GPN3: variants seen among roughly 807,000 people sequenced by gnomAD.
The protein encoded by GPN3 is GPN-loop GTPase 3.
In GPN3, 31 loss-of-function variants were observed where a neutral mutation model predicts 38.7. The ratio of observed to expected loss-of-function variants is 0.80; its 90% confidence interval spans 0.60 to 1.08. GPN3 has a LOEUF of 1.08. GPN3 is among the 50% of genes least tolerant of loss of function. The pLI is 0.00. For synonymous variants in GPN3, 116 were observed against 120.2 expected (o/e 0.96, Z 0.23); for missense variants, 301 against 354.4 (o/e 0.85, Z 1.21).
chr12:110,454,398 T>C (rs1358769238), intron 6 of GPN3, among the ~76,000 whole-genome samples: 1 of 151,634 alleles, frequency 6.6e-6, no homozygotes, highest in Non-Finnish European at 1.5e-5. Flanking sequence ...CTTTTTTTTT[T>C]TTTTTGGGGA....
chr12:110,459,463 A>G (rs1284229341), intron 3 of GPN3, among the ~76,000 whole-genome samples: 2 of 152,098 alleles, frequency 1.3e-5, no homozygotes, highest in Non-Finnish European at 2.9e-5. Flanking sequence ...GATGGTCTCG[A>G]TCTCCTGACC....
chr12:110,454,973 C>T lies in GPN3; in HGVS notation c.663+613G>A, dbSNP rs1250730455. Among the ~76,000 whole-genome samples the T allele has an allele frequency of 3.9e-5, 6 of 151,934 alleles. No homozygotes were observed. The East Asian group carries it at 5.8e-4, about 15-fold the overall frequency. On this transcript the variant is annotated intron_variant, in intron 6 of 7. Coordinates refer to ENST00000228827, the MANE Select transcript of GPN3 (RefSeq NM_016301.4). ...GAATAGCTGGGATTATAGGCATGCA[C>T]CACCACGCCTGGCTAATTTTTGTAT...
intron 2 of GPN3, among the ~76,000 whole-genome samples, chr12:110,461,801 G>A (rs1357494665): frequency 1.3e-5 from 2 of 152,100 alleles, no homozygotes; most frequent in East Asian, 3.8e-4. Flanking sequence ...CCCTCCCTCA[G>A]CAATCAATAA....
chr12:110,456,641 A>G (rs188447253), intron 4 of GPN3, among the ~76,000 whole-genome samples: 1 of 151,494 alleles, frequency 6.6e-6, no homozygotes, highest in Admixed American at 6.6e-5. Flanking sequence ...AAAATAGACT[A>G]TTTTATAAAA....
upstream of GPN3, chr12:110,468,536 T>G: frequency 6.5e-7 from 1 of 1,537,318 alleles, no homozygotes; most frequent in Non-Finnish European, 8.7e-7. Flanking sequence ...GTCCGTGGTT[T>G]GCGTGCAGAC....
rs1053723658 is a variant in GPN3 at position 110,452,588 on chromosome 12, A to T, written c.*446T>A. 6.2e-6 allele frequency: 1 copy of T among 160,794 alleles called. No homozygotes were observed. The highest frequency in any genetic ancestry group is 2.4e-5 in the African/African-American group (1 of 41,458). The allele number at this position is 160,794 out of a possible 1,614,324, so 10.0% of individuals were successfully genotyped here. On this transcript the variant is annotated 3_prime_UTR_variant, in exon 8 of 8. Coordinates refer to ENST00000228827, the MANE Select transcript of GPN3 (RefSeq NM_016301.4). The stretch of plus-strand genomic sequence containing the variant: ...TTATTTTTACTTTTTAAGTTATATA[A>T]ATAATATACATTTTCAATATAGGAA...
At chr12:110,455,301 A>G (rs2062542081) in intron 6 of GPN3, among the ~76,000 whole-genome samples, 1 of 147,378 alleles carries the variant, frequency 6.8e-6, no homozygotes, top group Admixed American at 6.8e-5. Flanking sequence ...TTTTTTTTGT[A>G]TTTTTAGTAG....
chr12:110,456,705 T>G (rs1260107601), intron 4 of GPN3, among the ~76,000 whole-genome samples: 2 of 151,748 alleles, frequency 1.3e-5, no homozygotes, highest in Middle Eastern at 3.4e-3. Context: ...TTTTTTTTTT[T>G]TGAGACAGAG....
At chr12:110,461,401 GA>G (rs200024506) in intron 2 of GPN3, 13,220 of 297,688 alleles carry the variant, frequency 0.044, no homozygotes, top group South Asian at 0.061. Flanking sequence ...TTATAAAATT[GA>G]AAAAAAAAAA....
intron 2 of GPN3, chr12:110,464,888 C>T (rs1354227346): frequency 1.5e-5 from 8 of 528,662 alleles, no homozygotes; most frequent in East Asian, 3.2e-5. Context: ...CCTCCGCGCC[C>T]GGCCCCATTT....
In GPN3 at chr12:110,465,185, G is replaced by T; in HGVS notation, c.78C>A (p.His26Gln). ...KSTYCATMVQ[H>Q]CEALNRSVQV... ...GGACAGACCGGTTGAGGGCTTCACA[G>T]TGCTGGACCATGGTGGCACAGTAGG... is the stretch of plus-strand genomic sequence containing the variant. The change falls in exon 2 of 8, where the codon CAC becomes CAA. Residue 26 changes from histidine (H) to glutamine (Q), a missense_variant. Coordinates refer to ENST00000228827, the MANE Select transcript of GPN3 (RefSeq NM_016301.4). 6.2e-7 allele frequency: 1 copy of T among 1,610,296 alleles called. No individual in the cohort carries two copies. The highest frequency in any genetic ancestry group is 8.5e-7 in the Non-Finnish European group (1 of 1,176,426).
At chr12:110,454,656 C>CTTTTTG (rs1171453267) in intron 6 of GPN3, among the ~76,000 whole-genome samples, 1 of 151,090 alleles carries the variant, frequency 6.6e-6, no homozygotes, top group Non-Finnish European at 1.5e-5. Context: ...ACCTGGCGCC[C>CTTTTTG]TTTTTGTTTT....
intron 1 of GPN3, among the ~76,000 whole-genome samples, chr12:110,467,492 G>C (rs1565846812): frequency 6.6e-6 from 1 of 152,094 alleles, no homozygotes; most frequent in Non-Finnish European, 1.5e-5. Context: ...GCTAAATACA[G>C]GTGCCTATTA....
intron 1 of GPN3, among the ~76,000 whole-genome samples, chr12:110,466,422 A>G (rs2062627796): frequency 6.6e-6 from 1 of 152,146 alleles, no homozygotes; most frequent in South Asian, 2.1e-4. Flanking sequence ...TATAGAAAAA[A>G]CATCCATCAT....
chr12:110,462,790 T>TGGAGTTGCCCAGG (rs554594393), intron 2 of GPN3, among the ~76,000 whole-genome samples: 1 of 149,234 alleles, frequency 6.7e-6, no homozygotes, highest in African/African-American at 2.5e-5. Flanking sequence ...GGAGTCTCGC[T>TGGAGTTGCCCAGG]CTGTTGCCCA....
Position 110,457,486 on chromosome 12 carries a change from TCTGTAAGAGATTTAG to T in GPN3, c.450+9_450+23del. ...AAAAAAAAAAAAAAAAAAAAAAAAA[TCTGTAAGAGATTTAG>T]CTTCAGACCTTGAATGACTCCACCA... On this transcript the variant is annotated intron_variant, in intron 4 of 7. Coordinates refer to ENST00000228827, the MANE Select transcript of GPN3 (RefSeq NM_016301.4). The T allele has an allele frequency of 2.0e-6, 1 of 505,432 alleles. No homozygotes were observed. Among genetic ancestry groups the T allele is most frequent in the Non-Finnish European group, 3.1e-6 (1 of 324,388 alleles). 31.3% of individuals were successfully genotyped at this position (505,432 alleles called of 1,614,324 possible). A position where few individuals can be genotyped will look rare whatever the true frequency, so the allele number is the denominator to read the frequency against.
chr12:110,453,629 C>T, intron 7 of GPN3, 114 bp downstream of exon 7: 2 of 741,764 alleles, frequency 2.7e-6, no homozygotes, highest in Non-Finnish European at 2.3e-6. Flanking sequence ...CAGTTAACTG[C>T]CATCAATAAG....
Position 110,453,044 on chromosome 12 carries a change from TG to T in GPN3, c.844del (p.Gln282ArgfsTer55). The stretch of plus-strand genomic sequence containing the variant: ...CTTTTAGTAAACTCTTCATTCATCC[TG>T]GCATTCTTGAAAATATTCGTCAAAC... ...SMFDEYFQECQDE is the reference protein window; with the variant it reads ...SMFDEYFQECXDE On this transcript the variant is annotated frameshift_variant, in exon 8 of 8. Coordinates refer to ENST00000228827, the MANE Select transcript of GPN3 (RefSeq NM_016301.4). LOFTEE classifies it high-confidence loss of function. 2 of 1,404,016 alleles carry T rather than the reference TG, an allele frequency of 1.4e-6. No homozygotes were observed. The highest frequency in any genetic ancestry group is 2.0e-6 in the Non-Finnish European group (2 of 988,392). 87.0% of individuals were successfully genotyped at this position (1,404,016 alleles called of 1,614,324 possible). A position where few individuals can be genotyped will look rare whatever the true frequency, so the allele number is the denominator to read the frequency against.
At chr12:110,468,089 C>T in intron 1 of GPN3, 67 bp downstream of exon 1, 1 of 1,613,346 alleles carries the variant, frequency 6.2e-7, no homozygotes, top group Middle Eastern at 1.7e-4. Context: ...GGCTCACTCC[C>T]TCAGGACCCA....
Sources: allele counts gnomAD v4.1 joint callset (sites outside exome capture counted in the v4.1 genomes callset), GRCh38; gene constraint gnomAD v4.1.1; transcripts MANE v1.5; gene names NCBI Gene and HGNC (gene_info 2026-07-23, HGNC 2026-07-21).